IQCK: variants seen among roughly 807,000 people sequenced by gnomAD.
IQCK encodes IQ motif containing K.
Under a neutral mutation model 28.1 loss-of-function variants are expected in IQCK, and 29 were observed. The observed-to-expected ratio is 1.03, with a 90% CI of 0.77 to 1.41. The LOEUF (loss-of-function observed/expected upper bound fraction) is 1.41, where lower values mean the gene tolerates loss of function less well. Ranked by LOEUF, IQCK falls within the 40% of genes most tolerant of loss-of-function variation. The pLI, the probability that IQCK is intolerant of heterozygous loss-of-function variation, is 0.00. For missense variants in IQCK, 359 were observed against 314.7 expected (o/e 1.14, Z -1.07); for synonymous variants, 113 against 115.1 (o/e 0.98, Z 0.12).
intron 6 of IQCK, among the ~76,000 whole-genome samples, chr16:19,783,612 C>T (rs576286946): frequency 9.9e-5 from 15 of 152,240 alleles, no homozygotes; most frequent in East Asian, 9.7e-4. Context: ...AAGGGCCTGG[C>T]GTGGCTTCTC....
At chr16:19,835,424 A>C (rs913193702) in intron 9 of IQCK, among the ~76,000 whole-genome samples, 1 of 152,254 alleles carries the variant, frequency 6.6e-6, no homozygotes, top group East Asian at 1.9e-4. Context: ...GATCTATCCC[A>C]TTATTTTTAG....
intron 4 of IQCK, chr16:19,761,176 T>C (rs1296055527): frequency 3.0e-6 from 1 of 329,632 alleles, no homozygotes; most frequent in Non-Finnish European, 6.0e-6. Context: ...CAGCCTCATT[T>C]TACCCAGCCC....
intron 5 of IQCK, 66 bp downstream of exon 5, chr16:19,763,966 A>G (rs1044882864): frequency 7.1e-5 from 113 of 1,594,678 alleles, no homozygotes; most frequent in Non-Finnish European, 8.9e-5. Flanking sequence ...TGCAAGCAGA[A>G]TAGCAACAAC....
intron 7 of IQCK, among the ~76,000 whole-genome samples, chr16:19,804,343 CA>C (rs1011823968): frequency 6.9e-5 from 10 of 144,676 alleles, no homozygotes; most frequent in Admixed American, 1.4e-4. Context: ...GACTTCATCT[CA>C]AAAAAAAAAT....
At chr16:19,727,627 A>T (rs1003315958) in intron 1 of IQCK, among the ~76,000 whole-genome samples, 1 of 146,124 alleles carries the variant, frequency 6.8e-6, no homozygotes, top group African/African-American at 2.5e-5. Flanking sequence ...GATCTATGCC[A>T]TATCTAACAA....
rs540189059 is a variant in IQCK at position 19,730,719 on chromosome 16, A to G, written c.246+225A>G. Among the ~76,000 whole-genome samples, 3 of 148,414 alleles carry G rather than the reference A, an allele frequency of 2.0e-5. No homozygotes were observed. The East Asian group carries it at 5.8e-4, about 29-fold the overall frequency. On this transcript the variant is annotated intron_variant, in intron 2 of 7. Coordinates refer to ENST00000564186, the Ensembl canonical transcript of IQCK. ...CATTAGTTTCGGCGTTTGTCTGTCTATCTATCTGTCTGTCTGTCTGTCTGT... is the reference window on the plus strand; with the variant it reads ...CATTAGTTTCGGCGTTTGTCTGTCTGTCTATCTGTCTGTCTGTCTGTCTGT...
At chr16:19,851,792 C>T (rs184129700) in intron 9 of IQCK, among the ~76,000 whole-genome samples, 447 of 152,208 alleles carry the variant, frequency 2.9e-3, no homozygotes, top group African/African-American at 0.01. Flanking sequence ...ATGATGTCTC[C>T]GAGCTAAGGT....
At chr16:19,719,128 C>T (rs546316554) in intron 1 of IQCK, among the ~76,000 whole-genome samples, 15 of 152,174 alleles carry the variant, frequency 9.9e-5, no homozygotes, top group African/African-American at 3.1e-4. Flanking sequence ...ATAATAATGG[C>T]ACCTATTTCG....
chr16:19,840,075 A>G (rs2056347181), intron 9 of IQCK, among the ~76,000 whole-genome samples: 2 of 152,076 alleles, frequency 1.3e-5, no homozygotes, highest in Non-Finnish European at 2.9e-5. Context: ...TACATATAAT[A>G]TATAAATGGA....
At chr16:19,785,794 T>A (rs1382001793) in intron 6 of IQCK, among the ~76,000 whole-genome samples, 3 of 152,230 alleles carry the variant, frequency 2.0e-5, no homozygotes, top group Non-Finnish European at 2.9e-5. Flanking sequence ...TTCTGTATCC[T>A]GGCTCTTGAG....
At chr16:19,817,015 G>A (rs1046463160) in intron 7 of IQCK, among the ~76,000 whole-genome samples, 7 of 152,074 alleles carry the variant, frequency 4.6e-5, no homozygotes, top group South Asian at 2.1e-4. Context: ...TCAGGCTATC[G>A]GATCCAGGGT....
At chr16:19,809,895 G>A (rs539147152) in intron 7 of IQCK, among the ~76,000 whole-genome samples, 6 of 152,306 alleles carry the variant, frequency 3.9e-5, no homozygotes, top group African/African-American at 9.6e-5. Context: ...CTACGGATCC[G>A]ACTTTGAGAG....
Position 19,718,314 on chromosome 16 carries a change from C to T in IQCK, c.8C>T (p.Ala3Val), listed in dbSNP as rs1428572472. ...ACCGTGGAAACCGCGGCCATGGCGG[C>T]ACCGCGGCAAATCCCCAGCCACATA... The change falls in exon 1 of 8, where the codon GCA becomes GTA. Residue 3 changes from alanine to valine, a missense_variant. Transcript: ENST00000564186. 1.0e-5 allele frequency: 16 copies of T among 1,604,792 alleles called. No homozygotes were observed. The South Asian group carries it at 1.5e-4, about 15-fold the overall frequency.
chr16:19,764,249 C>G, intron 6 of IQCK, 137 bp downstream of exon 6: 1 of 679,874 alleles, frequency 1.5e-6, no homozygotes, highest in Non-Finnish European at 2.5e-6. Flanking sequence ...ACTCCTGTCT[C>G]TAGTTATTCT....
exon 10 of IQCK, chr16:19,857,475 G>A (rs761399902): frequency 4.6e-6 from 2 of 436,836 alleles, no homozygotes; most frequent in South Asian, 1.7e-5. Context: ...TCAGCCGGGG[G>A]AAGATAAAGG....
chr16:19,752,753 G>A (rs1424151136), intron 4 of IQCK, among the ~76,000 whole-genome samples: 3 of 152,022 alleles, frequency 2.0e-5, no homozygotes, highest in Non-Finnish European at 4.4e-5. Flanking sequence ...TTGTAGAGAT[G>A]GGGCTTTGCC....
At chr16:19,809,721 G>C (rs1304032994) in intron 7 of IQCK, among the ~76,000 whole-genome samples, 3 of 152,240 alleles carry the variant, frequency 2.0e-5, no homozygotes, top group African/African-American at 7.2e-5. Flanking sequence ...ATGGGGCACA[G>C]TGCAGCGGTT....
At chr16:19,743,113 G>A (rs2054859798) in intron 4 of IQCK, among the ~76,000 whole-genome samples, 1 of 152,212 alleles carries the variant, frequency 6.6e-6, no homozygotes, top group Admixed American at 6.5e-5. Context: ...AAAGGTTGCA[G>A]TGAGCTGAGA....
chr16:19,798,424 A>G (rs1567561197), intron 7 of IQCK, among the ~76,000 whole-genome samples: 2 of 115,728 alleles, frequency 1.7e-5, no homozygotes, highest in Admixed American at 1.5e-4. Context: ...CACAAAAAAT[A>G]TATATATATA....
Sources: gnomAD v4.1 joint callset for allele counts (sites outside exome capture counted in the v4.1 genomes callset) on GRCh38, gnomAD v4.1.1 for gene constraint, MANE v1.5 for transcripts, NCBI Gene and HGNC (gene_info 2026-07-23, HGNC 2026-07-21) for gene names.